The following CLSTN2 variants were observed in gnomAD, a reference collection of about 807,000 sequenced individuals.
CLSTN2 encodes calsyntenin-2.
CLSTN2 carries 48 observed loss-of-function variants against 101.2 expected under a neutral mutation model. The observed-to-expected ratio is 0.47, with a 90% CI of 0.38 to 0.60. CLSTN2 has a LOEUF of 0.60. Ranked by LOEUF, CLSTN2 falls within the 20% of genes least tolerant of loss-of-function variation. The probability of loss-of-function intolerance (pLI) is 0.00; values close to 1 mark genes in which losing one functional copy is unlikely to be tolerated. For missense variants in CLSTN2, 1,160 were observed against 1,238.2 expected, an observed-to-expected ratio of 0.94 and a Z score of 0.95; for synonymous variants, 481 against 463.6, an observed-to-expected ratio of 1.04 and a Z score of -0.48.
intron 2 of CLSTN2, among the ~76,000 whole-genome samples, chr3:140,325,425 T>C (rs1333363666): frequency 6.6e-6 from 1 of 152,196 alleles, no homozygotes; most frequent in African/African-American, 2.4e-5. Context: ...ATGGATAGGT[T>C]GCTCATGAAG....
chr3:140,203,461 G>GTTTTTTTTTTTT (rs58182333), intron 2 of CLSTN2, among the ~76,000 whole-genome samples: 2 of 67,918 alleles, frequency 2.9e-5, no homozygotes, highest in African/African-American at 5.5e-5. Context: ...GAAAGTGTGG[G>GTTTTTTTTTTTT]TTTTTTTTTT....
intron 1 of CLSTN2, among the ~76,000 whole-genome samples, chr3:140,080,564 G>C (rs910110416): frequency 6.6e-6 from 1 of 152,116 alleles, no homozygotes; most frequent in African/African-American, 2.4e-5. Context: ...TCTTCATTAA[G>C]ACTAATGTTT....
rs566656030 is a variant in CLSTN2, at chr3:140,236,582, C to T, written c.232+60509C>T. ...CTTTTCCTGCCTCCACTCCCGTTTT[C>T]TAAGGATTCAGTTATATGTATGTTA... On this transcript the variant is annotated intron_variant, in intron 2 of 16. Transcript: ENST00000458420. 3.3e-5 allele frequency among the ~76,000 whole-genome samples: 5 copies of T among 152,206 alleles called. No homozygotes were observed. In the Middle Eastern group the frequency reaches 0.01, roughly 311 times the overall value.
At chr3:140,563,846 C>A in intron 15 of CLSTN2, 115 bp from the exon 16 acceptor site, 3 of 1,002,856 alleles carry the variant, frequency 3.0e-6, no homozygotes, top group Non-Finnish European at 3.1e-6. Context: ...AGTTCTACAG[C>A]TGGGAAGTGG....
In CLSTN2 at chr3:140,033,775, G is replaced by A. The variant is rs1053660741; in HGVS notation, c.109+98292G>A. ...TTTTTCTGTGCAGGTAGGCATAGGC[G>A]GGTGAAATTATACATTTTTCTGGGG... On this transcript the variant is annotated intron_variant, in intron 1 of 16. Transcript: ENST00000458420. 4.6e-5 allele frequency among the ~76,000 whole-genome samples: 7 copies of A among 152,276 alleles called. No homozygotes were observed. In the East Asian group the frequency reaches 9.6e-4, roughly 21 times the overall value.
intron 2 of CLSTN2, among the ~76,000 whole-genome samples, chr3:140,343,553 A>C (rs772205270): frequency 1.3e-4 from 20 of 151,928 alleles, no homozygotes; most frequent in Admixed American, 3.3e-4. Context: ...GCATAAACAG[A>C]GAGCTTAATA....
chr3:140,389,830 A>C (rs558551920), intron 2 of CLSTN2, among the ~76,000 whole-genome samples: 1 of 152,144 alleles, frequency 6.6e-6, no homozygotes, highest in Non-Finnish European at 1.5e-5. Flanking sequence ...TTTGACTTGC[A>C]TGAGATGGTA....
Position 140,046,379 on chromosome 3 carries a change from C to T in CLSTN2, c.109+110896C>T, listed in dbSNP as rs1576408599. Among the ~76,000 whole-genome samples, 5 of 152,296 alleles carry T rather than the reference C, an allele frequency of 3.3e-5. 1 individual carries two copies. The highest frequency in any genetic ancestry group is 3.3e-4 in the Admixed American group (5 of 15,292). ...TCCATTTGCTTGGTGGATCTTCCTC[C>T]ATCCCTTTATTTTGAGCCTGTGTGT... On this transcript the variant is annotated intron_variant, in intron 1 of 16. Transcript: ENST00000458420.
intron 8 of CLSTN2, among the ~76,000 whole-genome samples, chr3:140,490,020 G>A (rs1214208938): frequency 0.097 from 34 of 352 alleles, no homozygotes; most frequent in East Asian, 0.17. Flanking sequence ...ACATGTGTGT[G>A]TGTGTGTGTG....
At chr3:140,112,589 C>T (rs147211952) in intron 1 of CLSTN2, among the ~76,000 whole-genome samples, 2 of 152,170 alleles carry the variant, frequency 1.3e-5, no homozygotes, top group Non-Finnish European at 2.9e-5. Flanking sequence ...AGTCATTTAT[C>T]CCTCTGTCAA....
chr3:140,334,202 C>T (rs368506227), intron 2 of CLSTN2, among the ~76,000 whole-genome samples: 3 of 152,248 alleles, frequency 2.0e-5, no homozygotes, highest in East Asian at 3.9e-4. Context: ...TCAAGAAAAG[C>T]ATCCAAATGC....
At chr3:140,004,163 C>T (rs1197257083) in intron 1 of CLSTN2, among the ~76,000 whole-genome samples, 1 of 152,180 alleles carries the variant, frequency 6.6e-6, no homozygotes, top group African/African-American at 2.4e-5. Context: ...TTTGAAGTTT[C>T]CATAGCCAGG....
chr3:140,265,176 A>C (rs1040281254), intron 2 of CLSTN2, among the ~76,000 whole-genome samples: 2 of 152,208 alleles, frequency 1.3e-5, no homozygotes, highest in African/African-American at 4.8e-5. Context: ...ATTGGGCCCA[A>C]ACAGTGAAGC....
chr3:140,318,641 A>G (rs2107922051), intron 2 of CLSTN2, among the ~76,000 whole-genome samples: 2 of 152,326 alleles, frequency 1.3e-5, no homozygotes, highest in East Asian at 3.9e-4. Context: ...AGACTTTGGC[A>G]TAAATGTCTC....
intron 1 of CLSTN2, among the ~76,000 whole-genome samples, chr3:140,062,874 G>T (rs1053906429): frequency 2.0e-5 from 3 of 152,096 alleles, no homozygotes; most frequent in Non-Finnish European, 2.9e-5. Flanking sequence ...GCAGTCTGAT[G>T]AAGCCCCTAT....
intron 5 of CLSTN2, among the ~76,000 whole-genome samples, chr3:140,425,286 G>C (rs149690752): frequency 1.3e-5 from 2 of 152,222 alleles, no homozygotes; most frequent in East Asian, 1.9e-4. Context: ...TCCTTCCTTC[G>C]CAGGGCCCAT....
chr3:139,987,154 T>C (rs1184882504), intron 1 of CLSTN2, among the ~76,000 whole-genome samples: 1 of 152,192 alleles, frequency 6.6e-6, no homozygotes, highest in Non-Finnish European at 1.5e-5. Context: ...ACTGAAAGTA[T>C]AGCTGCTTTT....
intron 6 of CLSTN2, chr3:140,449,918 C>T (rs2114859): frequency 0.22 from 34,186 of 152,054 alleles, 4,941 homozygotes; most frequent in African/African-American, 0.39. Context: ...GTGAGGGTGA[C>T]GGTAGACAAA....
intron 1 of CLSTN2, among the ~76,000 whole-genome samples, chr3:139,946,452 C>G (rs879909093): frequency 1.3e-5 from 2 of 152,194 alleles, no homozygotes; most frequent in Non-Finnish European, 2.9e-5. Flanking sequence ...GGGCCATTGT[C>G]CCTTGGTCTT....
Sources: allele counts gnomAD v4.1 joint callset (sites outside exome capture counted in the v4.1 genomes callset), GRCh38; gene constraint gnomAD v4.1.1; transcripts MANE v1.5; gene names NCBI Gene and HGNC (gene_info 2026-07-23, HGNC 2026-07-21).